The following PHF20 variants were observed in gnomAD, a reference collection of about 807,000 sequenced individuals.
PHF20 encodes PHD finger protein 20.
In PHF20, 23 loss-of-function variants were observed where a neutral mutation model predicts 113.5. That is an observed-to-expected ratio of 0.20 (90% CI 0.15 to 0.29). PHF20 has a LOEUF of 0.29. Ranked by LOEUF, PHF20 falls within the 10% of genes least tolerant of loss-of-function variation. The probability of loss-of-function intolerance (pLI) is 1.00; values close to 1 mark genes in which losing one functional copy is unlikely to be tolerated. For synonymous variants in PHF20, 434 were observed against 457.3 expected (o/e 0.95, Z 0.65); for missense variants, 943 against 1,219.6 (o/e 0.77, Z 3.38).
chr20:35,906,422 C>T (rs898030448), intron 10 of PHF20, among the ~76,000 whole-genome samples: 1 of 152,178 alleles, frequency 6.6e-6, no homozygotes, highest in African/African-American at 2.4e-5. Flanking sequence ...TCTGAAGGTC[C>T]CCGGGCCTTG....
At chr20:35,784,128 A>C (rs1433149212) in intron 1 of PHF20, among the ~76,000 whole-genome samples, 2 of 145,944 alleles carry the variant, frequency 1.4e-5, no homozygotes, top group Non-Finnish European at 3.0e-5. Flanking sequence ...ATCTCGGTTC[A>C]CTGCAACCTC....
intron 13 of PHF20, among the ~76,000 whole-genome samples, chr20:35,926,532 C>T (rs575378789): frequency 9.9e-5 from 15 of 152,206 alleles, no homozygotes; most frequent in African/African-American, 3.6e-4. Context: ...AGCCACCGCG[C>T]CCGGCCGACA....
intron 1 of PHF20, among the ~76,000 whole-genome samples, chr20:35,794,980 T>C (rs542369519): frequency 6.6e-6 from 1 of 152,074 alleles, no homozygotes; most frequent in African/African-American, 2.4e-5. Flanking sequence ...TCACCTGAGG[T>C]CATGAGTTTG....
intron 1 of PHF20, among the ~76,000 whole-genome samples, chr20:35,790,269 C>T (rs993306443): frequency 9.2e-5 from 14 of 151,836 alleles, no homozygotes; most frequent in Non-Finnish European, 2.1e-4. Flanking sequence ...GGTGTGATCC[C>T]GGCTCACTGC....
chr20:35,788,786 C>G (rs79491781), intron 1 of PHF20, among the ~76,000 whole-genome samples: 7,276 of 151,614 alleles, frequency 0.048, 214 homozygotes, highest in African/African-American at 0.089. Context: ...CCATTTTAGC[C>G]AGGGTGTTCT....
chr20:35,874,608 T>G (rs1316001935), intron 9 of PHF20, among the ~76,000 whole-genome samples: 1 of 152,054 alleles, frequency 6.6e-6, no homozygotes, highest in Non-Finnish European at 1.5e-5. Context: ...CTCAGTCACT[T>G]GAGTAGCTGG....
chr20:35,858,802 A>C (rs560440139), intron 5 of PHF20, among the ~76,000 whole-genome samples: 16 of 152,140 alleles, frequency 1.1e-4, no homozygotes, highest in Non-Finnish European at 1.6e-4. Flanking sequence ...CGAACTCCTG[A>C]CCTCAGGTGA....
At chr20:35,808,053 G>A (rs546573109) in intron 2 of PHF20, among the ~76,000 whole-genome samples, 11 of 152,254 alleles carry the variant, frequency 7.2e-5, no homozygotes, top group Non-Finnish European at 1.3e-4. Context: ...GCGGCCATGT[G>A]TAATGGGTAC....
intron 2 of PHF20, among the ~76,000 whole-genome samples, chr20:35,822,496 A>G (rs1446726129): frequency 6.6e-6 from 1 of 152,046 alleles, no homozygotes; most frequent in East Asian, 1.9e-4. Flanking sequence ...AAAATAGACT[A>G]TATTTTAGAG....
intron 9 of PHF20, among the ~76,000 whole-genome samples, chr20:35,897,087 G>A (rs1292963289): frequency 1.3e-5 from 2 of 152,150 alleles, no homozygotes; most frequent in East Asian, 3.8e-4. Flanking sequence ...AGGCTGGAGT[G>A]CAGTGGTACA....
chr20:35,814,049 A>C (rs1396325020), intron 2 of PHF20, among the ~76,000 whole-genome samples: 1 of 151,824 alleles, frequency 6.6e-6, no homozygotes, highest in Non-Finnish European at 1.5e-5. Flanking sequence ...AAATAAAATA[A>C]ATAAATAAAT....
chr20:35,944,061 G>C (rs1403453823), intron 17 of PHF20, among the ~76,000 whole-genome samples: 1 of 152,214 alleles, frequency 6.6e-6, no homozygotes, highest in Non-Finnish European at 1.5e-5. Context: ...TGATCTTAGT[G>C]TATTTGAACA....
At chr20:35,821,208 G>A (rs2042162161) in intron 2 of PHF20, among the ~76,000 whole-genome samples, 1 of 152,062 alleles carries the variant, frequency 6.6e-6, no homozygotes, top group Non-Finnish European at 1.5e-5. Context: ...CAGCAGTTTG[G>A]GAGGCCGAGG....
intron 2 of PHF20, among the ~76,000 whole-genome samples, chr20:35,841,840 TGA>T (rs1401333201): frequency 6.6e-6 from 1 of 152,192 alleles, no homozygotes; most frequent in Non-Finnish European, 1.5e-5. Context: ...TGCTTAAAAT[TGA>T]GACTGTCTGA....
At chr20:35,869,858 C>T (rs1290244078) in intron 7 of PHF20, among the ~76,000 whole-genome samples, 2 of 152,092 alleles carry the variant, frequency 1.3e-5, no homozygotes, top group African/African-American at 4.8e-5. Flanking sequence ...CAGAGTGAAA[C>T]TTTAAAAATA....
At chr20:35,828,003 C>T (rs1312400932) in intron 2 of PHF20, among the ~76,000 whole-genome samples, 4 of 151,432 alleles carry the variant, frequency 2.6e-5, no homozygotes, top group South Asian at 2.1e-4. Context: ...GTAAGCTGCA[C>T]TCATTAGTTT....
chr20:35,873,688 G>T (rs1483656596), intron 9 of PHF20, among the ~76,000 whole-genome samples: 1 of 151,098 alleles, frequency 6.6e-6, no homozygotes, highest in Non-Finnish European at 1.5e-5. Flanking sequence ...CAGGCTGGTT[G>T]TCTGTTTATA....
At chr20:35,816,711 G>A (rs941282619) in intron 2 of PHF20, among the ~76,000 whole-genome samples, 6 of 151,074 alleles carry the variant, frequency 4.0e-5, no homozygotes, top group East Asian at 2.0e-4. Flanking sequence ...CTCAGCCTCC[G>A]AAAGTGCTGG....
intron 2 of PHF20, among the ~76,000 whole-genome samples, chr20:35,803,532 C>A (rs1362752826): frequency 6.6e-6 from 1 of 151,524 alleles, no homozygotes; most frequent in Non-Finnish European, 1.5e-5. Flanking sequence ...ACCATGTTGG[C>A]CAGGCTGGTC....
Sources: allele counts gnomAD v4.1 joint callset (sites outside exome capture counted in the v4.1 genomes callset), GRCh38; gene constraint gnomAD v4.1.1; transcripts MANE v1.5; gene names NCBI Gene and HGNC (gene_info 2026-07-23, HGNC 2026-07-21).